Variants in FAM177A1 observed in about 807,000 individuals in gnomAD.
FAM177A1 encodes the protein family with sequence similarity 177 member A1, also known as protein FAM177A1.
A neutral mutation model predicts 26.1 loss-of-function variants in FAM177A1; 22 were observed. That is an observed-to-expected ratio of 0.84 (90% CI 0.60 to 1.20). FAM177A1 has a LOEUF of 1.20. Ranked by LOEUF, FAM177A1 falls within the 50% of genes most tolerant of loss-of-function variation. The probability of loss-of-function intolerance (pLI) is 0.00; values close to 1 mark genes in which losing one functional copy is unlikely to be tolerated. For synonymous variants in FAM177A1, 95 were observed against 99.3 expected, an observed-to-expected ratio of 0.96 and a Z score of 0.26; for missense variants, 296 against 291.1, an observed-to-expected ratio of 1.02 and a Z score of -0.12.
chr14:35,045,448 C>T (rs549702651), upstream of FAM177A1, among the ~76,000 whole-genome samples: 1 of 152,194 alleles, frequency 6.6e-6, no homozygotes, highest in South Asian at 2.1e-4. Flanking sequence ...CCTGCTGTTG[C>T]TATGATGAAA....
chr14:35,053,343 A>G lies in FAM177A1; in HGVS notation c.231A>G (p.Pro77=). ...TCATAGGAAAAAAGAAGAAAGTCCCAAGGAGAGTCATCCACTTTGTTAGTG... is the reference window on the plus strand; with the variant it reads ...TCATAGGAAAAAAGAAGAAAGTCCCGAGGAGAGTCATCCACTTTGTTAGTG... ...LGVIGKKKKV[P]RRVIHFVSGE... is the part of the protein sequence containing the mutation. The change falls in exon 2 of 5, where the codon CCA becomes CCG. Residue 77 remains proline (P), a synonymous_variant. Transcript: ENST00000280987. 1 of 1,614,150 alleles carries G rather than the reference A, an allele frequency of 6.2e-7. No individual in the cohort carries two copies. The highest frequency in any genetic ancestry group is 8.5e-7 in the Non-Finnish European group (1 of 1,180,012).
At chr14:35,077,027 C>G (rs1385847500) in intron 2 of FAM177A1, 123 bp from the exon 3 acceptor site, 11 of 733,858 alleles carry the variant, frequency 1.5e-5, no homozygotes, top group Non-Finnish European at 2.4e-5. Context: ...GGATTGCAGT[C>G]TCTTTGTAGT....
rs980760558 is a variant in FAM177A1, at chr14:35,061,185, A to G, written c.339+7734A>G. On this transcript the variant is annotated intron_variant, in intron 2 of 4. Transcript: ENST00000280987. The stretch of plus-strand genomic sequence containing the variant: ...GGGGACCACTGTACATTTTGCTACA[A>G]TCTCCAGTGTTTTTGAGAACACCCT... Among the ~76,000 whole-genome samples the G allele has an allele frequency of 6.6e-5, 10 of 152,240 alleles. No homozygotes were observed. The South Asian group carries it at 8.3e-4, about 13-fold the overall frequency.
upstream of FAM177A1, among the ~76,000 whole-genome samples, chr14:35,045,385 G>A (rs906184279): frequency 6.6e-6 from 1 of 152,172 alleles, no homozygotes; most frequent in Non-Finnish European, 1.5e-5. Flanking sequence ...ATTAGGCAGA[G>A]GGTAAGGAGA....
chr14:35,047,773 CAACAACAACA>C (rs138153886), intron 1 of FAM177A1, among the ~76,000 whole-genome samples: 10,636 of 136,864 alleles, frequency 0.078, 494 homozygotes, highest in Non-Finnish European at 0.12. Flanking sequence ...ACAACAACAA[CAACAACAACA>C]AAAAAAAAAC....
At chr14:35,046,709 G>A in intron 1 of FAM177A1, 81 bp downstream of exon 1, 9 of 1,453,330 alleles carry the variant, frequency 6.2e-6, no homozygotes, top group Non-Finnish European at 8.2e-6. Flanking sequence ...TTTAGCCTGC[G>A]CGGCCGTCCT....
At chr14:35,068,193 C>G in intron 2 of FAM177A1, among the ~76,000 whole-genome samples, 1 of 152,182 alleles carries the variant, frequency 6.6e-6, no homozygotes, top group African/African-American at 2.4e-5. Flanking sequence ...CCATCGGTGG[C>G]AGTAAATAGG....
At chr14:35,060,712 T>C (rs1243442245) in intron 2 of FAM177A1, among the ~76,000 whole-genome samples, 1 of 152,222 alleles carries the variant, frequency 6.6e-6, no homozygotes, top group Non-Finnish European at 1.5e-5. Context: ...AGCCTGTATT[T>C]TTATTAAATC....
At chr14:35,072,850 C>A (rs557451828) in intron 2 of FAM177A1, among the ~76,000 whole-genome samples, 73 of 152,178 alleles carry the variant, frequency 4.8e-4, no homozygotes, top group African/African-American at 1.7e-3. Flanking sequence ...CCACCCTCCA[C>A]CCCCCCTTTC....
chr14:35,066,682 G>C (rs904103233), intron 2 of FAM177A1, among the ~76,000 whole-genome samples: 26 of 152,262 alleles, frequency 1.7e-4, no homozygotes, highest in African/African-American at 6.0e-4. Flanking sequence ...TGGGATTACA[G>C]GCGTGAGCCA....
intron 2 of FAM177A1, among the ~76,000 whole-genome samples, chr14:35,054,169 C>T (rs949518355): frequency 5.9e-5 from 9 of 152,002 alleles, no homozygotes; most frequent in Non-Finnish European, 1.2e-4. Flanking sequence ...GAGCCGAGAT[C>T]GCGCCACTGC....
intron 2 of FAM177A1, chr14:35,054,653 C>T (rs2045030444): frequency 6.6e-6 from 1 of 152,152 alleles, no homozygotes. Context: ...TACTCCTTTT[C>T]ATCAGATTTG....
intron 2 of FAM177A1, among the ~76,000 whole-genome samples, chr14:35,072,605 G>C (rs2045339477): frequency 6.6e-6 from 1 of 152,084 alleles, no homozygotes; most frequent in African/African-American, 2.4e-5. Flanking sequence ...TAGTTTCATT[G>C]CCTGTATAGA....
chr14:35,048,939 G>A (rs980030647), intron 1 of FAM177A1, among the ~76,000 whole-genome samples: 1 of 150,620 alleles, frequency 6.6e-6, no homozygotes, highest in Admixed American at 6.7e-5. Flanking sequence ...GGCCCAGGCT[G>A]GAGTGCAGTG....
intron 2 of FAM177A1, among the ~76,000 whole-genome samples, chr14:35,069,988 C>T (rs958160795): frequency 6.6e-6 from 1 of 150,776 alleles, no homozygotes; most frequent in Admixed American, 6.6e-5. Flanking sequence ...TGGTGGTGGG[C>T]GCCTGAAATC....
At chr14:35,061,300 T>G (rs1400886998) in intron 2 of FAM177A1, among the ~76,000 whole-genome samples, 1 of 151,970 alleles carries the variant, frequency 6.6e-6, no homozygotes, top group Admixed American at 6.6e-5. Flanking sequence ...CTGTCCTGGC[T>G]GGCTCCCCTA....
At chr14:35,063,307 T>C (rs2045188128) in intron 2 of FAM177A1, among the ~76,000 whole-genome samples, 1 of 151,792 alleles carries the variant, frequency 6.6e-6, no homozygotes, top group Non-Finnish European at 1.5e-5. Flanking sequence ...GCATGGTGGC[T>C]CTTGCCTGTA....
chr14:35,080,887 A>T, intron 4 of FAM177A1, 135 bp from the exon 5 acceptor site: 2 of 1,287,382 alleles, frequency 1.6e-6, no homozygotes, highest in South Asian at 1.9e-5. Context: ...TGTCTTAATT[A>T]GACCAAACTG....
rs539888074 is a variant in FAM177A1 at position 35,070,231 on chromosome 14, G to A, written c.340-6919G>A. ...TTAGATGTACCTTAAGGTACATGTT[G>A]GCCAGGATGATCTCGATCTCCTGAC... is the stretch of plus-strand genomic sequence containing the variant. On this transcript the variant is annotated intron_variant, in intron 2 of 4. Transcript: ENST00000280987. Among the ~76,000 whole-genome samples, 5 of 148,994 alleles carry A rather than the reference G, an allele frequency of 3.4e-5. No homozygotes were observed. The East Asian group carries it at 9.8e-4, about 29-fold the overall frequency.
Sources: gnomAD v4.1 joint callset for allele counts (sites outside exome capture counted in the v4.1 genomes callset) on GRCh38, gnomAD v4.1.1 for gene constraint, MANE v1.5 for transcripts, NCBI Gene and HGNC (gene_info 2026-07-23, HGNC 2026-07-21) for gene names.